EXOC6: variants seen among roughly 807,000 people sequenced by gnomAD.
EXOC6 encodes the protein SEC15-like 1.
A neutral mutation model predicts 112.5 loss-of-function variants in EXOC6; 60 were observed. The ratio of observed to expected loss-of-function variants is 0.53; its 90% CI spans 0.43 to 0.66. The LOEUF (loss-of-function observed/expected upper bound fraction) is 0.66. EXOC6 is among the 30% of genes least tolerant of loss of function. EXOC6 has a pLI of 0.00. For synonymous variants in EXOC6, 295 were observed against 308.0 expected (o/e 0.96, Z 0.44); for missense variants, 855 against 957.1 (o/e 0.89, Z 1.41).
intron 21 of EXOC6, among the ~76,000 whole-genome samples, 171 bp downstream of exon 21, chr10:93,057,207 G>A (rs1846587444): frequency 6.6e-6 from 1 of 152,078 alleles, no homozygotes; most frequent in South Asian, 2.1e-4. Flanking sequence ...TTCAGAGTTG[G>A]TGTAGTTTCA....
intron 1 of EXOC6, among the ~76,000 whole-genome samples, chr10:92,878,710 G>A (rs959125038): frequency 6.6e-6 from 1 of 152,152 alleles, no homozygotes. Context: ...CATTTCTGGT[G>A]GGTGGCGGGG....
intron 4 of EXOC6, among the ~76,000 whole-genome samples, chr10:92,898,671 A>AAT (rs75702026): frequency 0.011 from 1,719 of 152,226 alleles, 19 homozygotes; most frequent in Non-Finnish European, 0.017. Flanking sequence ...ATTACATTAC[A>AAT]ATATAGAGGC....
chr10:92,884,494 G>A (rs1310501974), intron 1 of EXOC6, among the ~76,000 whole-genome samples: 1 of 152,106 alleles, frequency 6.6e-6, no homozygotes, highest in Non-Finnish European at 1.5e-5. Flanking sequence ...CTCTTTTATG[G>A]TTATGCAACC....
intron 18 of EXOC6, chr10:92,987,500 A>G (rs1843056008): frequency 3.8e-6 from 1 of 263,036 alleles, no homozygotes; most frequent in Admixed American, 6.5e-5. Flanking sequence ...AAACACAGAA[A>G]GAACTTGCTT....
chr10:92,935,464 G>GA (rs1333170793), intron 11 of EXOC6, among the ~76,000 whole-genome samples: 1 of 151,902 alleles, frequency 6.6e-6, no homozygotes, highest in East Asian at 1.9e-4. Context: ...TCTTATATTG[G>GA]AAAAAGTAAT....
intron 6 of EXOC6, among the ~76,000 whole-genome samples, chr10:92,911,078 A>T (rs979694725): frequency 4.6e-5 from 7 of 152,096 alleles, no homozygotes; most frequent in African/African-American, 1.7e-4. Flanking sequence ...GTTAAAAAAT[A>T]ATTAAATTTT....
chr10:92,980,768 G>A (rs925295022), intron 18 of EXOC6, among the ~76,000 whole-genome samples: 6 of 152,278 alleles, frequency 3.9e-5, no homozygotes, highest in Admixed American at 1.3e-4. Context: ...TATTTTAAAT[G>A]TATAAGTTTC....
At chr10:92,868,557 CAA>C (rs1227409192) in intron 1 of EXOC6, among the ~76,000 whole-genome samples, 1 of 151,960 alleles carries the variant, frequency 6.6e-6, no homozygotes, top group Non-Finnish European at 1.5e-5. Flanking sequence ...TCTAAACAAA[CAA>C]TAAATTTCTC....
Position 93,000,662 on chromosome 10 carries a change from G to A in EXOC6, c.2095+3047G>A, listed in dbSNP as rs187863184. Among the ~76,000 whole-genome samples the A allele has an allele frequency of 1.2e-3, 177 of 152,180 alleles. 1 individual carries two copies. The highest frequency in any genetic ancestry group is 3.9e-3 in the African/African-American group (162 of 41,516). ...TCCTTTAAGATTTTGCCTATGGTTG[G>A]CTCTACTTCTTAATACTTCTGTATT... On this transcript the variant is annotated intron_variant, in intron 19 of 21. Transcript: ENST00000260762.
intron 1 of EXOC6, among the ~76,000 whole-genome samples, chr10:92,829,542 G>A (rs2133559305): frequency 6.6e-6 from 1 of 152,282 alleles, no homozygotes; most frequent in South Asian, 2.1e-4. Context: ...CCCCTGCCTT[G>A]TCCCCAGTTT....
intron 1 of EXOC6, among the ~76,000 whole-genome samples, chr10:92,835,693 A>T (rs1846637560): frequency 6.6e-6 from 1 of 152,166 alleles, no homozygotes; most frequent in Non-Finnish European, 1.5e-5. Flanking sequence ...AATTTCTCCC[A>T]GCTATTTAAA....
chr10:92,959,026 A>G (rs1015714640), intron 17 of EXOC6, among the ~76,000 whole-genome samples: 9 of 151,940 alleles, frequency 5.9e-5, no homozygotes, highest in African/African-American at 1.9e-4. Context: ...CCCGGGAGGT[A>G]GAGGTTGCAG....
chr10:93,031,894 T>A (rs984860568), intron 20 of EXOC6, among the ~76,000 whole-genome samples: 5 of 152,158 alleles, frequency 3.3e-5, no homozygotes, highest in Non-Finnish European at 7.3e-5. Context: ...AATGCACATA[T>A]CATGAAGATA....
At chr10:92,882,538 C>T (rs1849017096) in intron 1 of EXOC6, among the ~76,000 whole-genome samples, 2 of 97,256 alleles carry the variant, frequency 2.1e-5, no homozygotes, top group African/African-American at 4.0e-5. Flanking sequence ...GAGTGAGGCT[C>T]TGTCTCAAAA....
At chr10:92,965,793 A>G (rs1163743572) in intron 17 of EXOC6, among the ~76,000 whole-genome samples, 1 of 152,194 alleles carries the variant, frequency 6.6e-6, no homozygotes, top group Non-Finnish European at 1.5e-5. Flanking sequence ...TCATGCAGCT[A>G]TAAAGATCAG....
At chr10:93,029,565 A>G (rs952654095) in intron 20 of EXOC6, among the ~76,000 whole-genome samples, 4 of 152,090 alleles carry the variant, frequency 2.6e-5, no homozygotes, top group Admixed American at 2.0e-4. Flanking sequence ...TATTGTTGTA[A>G]ATGTCTTCTA....
At chr10:92,851,186 A>G (rs1209996224) in intron 1 of EXOC6, among the ~76,000 whole-genome samples, 1 of 152,232 alleles carries the variant, frequency 6.6e-6, no homozygotes, top group East Asian at 1.9e-4. Flanking sequence ...AACTAGGAAA[A>G]GAGGAGCAAA....
intron 16 of EXOC6, 110 bp downstream of exon 16, chr10:92,954,851 A>G: frequency 1.9e-6 from 1 of 537,228 alleles, no homozygotes; most frequent in East Asian, 3.2e-5. Context: ...AAATGTATTA[A>G]TATAAGCAGA....
chr10:92,968,147 A>T (rs1378597239), intron 17 of EXOC6, among the ~76,000 whole-genome samples: 1 of 150,942 alleles, frequency 6.6e-6, no homozygotes, highest in Non-Finnish European at 1.5e-5. Context: ...ATACATGTTA[A>T]ATATGACACC....
Sources: gnomAD v4.1 joint callset for allele counts (sites outside exome capture counted in the v4.1 genomes callset) on GRCh38, gnomAD v4.1.1 for gene constraint, MANE v1.5 for transcripts, NCBI Gene and HGNC (gene_info 2026-07-23, HGNC 2026-07-21) for gene names.